The following AP3D1 variants were observed in gnomAD, a reference collection of about 807,000 sequenced individuals.
AP3D1 encodes AP-3 complex subunit delta-1.
AP3D1 carries 51 observed loss-of-function variants against 147.6 expected under a neutral mutation model. The observed-to-expected ratio is 0.35, with a 90% CI of 0.28 to 0.44. The LOEUF (loss-of-function observed/expected upper bound fraction) is 0.44, where lower values mean the gene tolerates loss of function less well. Among genes scored for constraint, AP3D1 ranks in the 20% least tolerant of loss-of-function variants. AP3D1 has a pLI of 1.00. For synonymous variants in AP3D1, 760 were observed against 663.0 expected (o/e 1.15, Z -2.25); for missense variants, 1,421 against 1,624.2 (o/e 0.87, Z 2.15).
At chr19:2,153,858 C>G (rs931601754), upstream of AP3D1, among the ~76,000 whole-genome samples, 1 of 151,968 alleles carries the variant, frequency 6.6e-6, no homozygotes. Flanking sequence ...TCCCCTCGCC[C>G]GAGATAGAGT....
At chr19:2,121,946 C>T (rs757680493) in intron 11 of AP3D1, 67 bp from the exon 12 acceptor site, 93 of 1,506,854 alleles carry the variant, frequency 6.2e-5, no homozygotes, top group Middle Eastern at 1.8e-4. Flanking sequence ...GCAGGGCCCA[C>T]GGCTCTCCGG....
intron 1 of AP3D1, among the ~76,000 whole-genome samples, chr19:2,142,588 C>G (rs540331698): frequency 7.2e-5 from 11 of 152,324 alleles, no homozygotes; most frequent in African/African-American, 1.4e-4. Flanking sequence ...CAAAGACCAA[C>G]GAGCTGAGCC....
At chr19:2,127,301 C>A (rs1447097628) in intron 8 of AP3D1, 100 bp from the exon 9 acceptor site, 3 of 1,315,800 alleles carry the variant, frequency 2.3e-6, no homozygotes, top group Admixed American at 1.8e-5. Context: ...CTCCGCCCCA[C>A]GGCTCAGGGA....
intron 28 of AP3D1, 58 bp downstream of exon 28, chr19:2,110,078 C>T: frequency 6.3e-7 from 1 of 1,593,430 alleles, no homozygotes; most frequent in Non-Finnish European, 8.6e-7. Context: ...TGCGATGGGG[C>T]AGGAGGAGCC....
rs557085154 is a variant in AP3D1, at chr19:2,116,505, G to A, written c.2001+100C>T. 21 of 1,426,516 alleles carry A rather than the reference G, an allele frequency of 1.5e-5. 1 individual carries two copies. In the South Asian group the frequency reaches 2.8e-4, roughly 19 times the overall value. The allele number at this position is 1,426,516 out of a possible 1,614,324, so 88.4% of individuals were successfully genotyped here. ...GGGACGCCCATGCCTCCACTGCCAG[G>A]GTCAGGGCCAGGACCCACAGAGGCC... On this transcript the variant is annotated intron_variant, in intron 17 of 31. Coordinates refer to ENST00000643116, the MANE Select transcript of AP3D1 (RefSeq NM_001261826.3).
At chr19:2,117,799 C>T (rs569472111) in intron 15 of AP3D1, among the ~76,000 whole-genome samples, 3 of 152,362 alleles carry the variant, frequency 2.0e-5, no homozygotes, top group African/African-American at 7.2e-5. Flanking sequence ...GAGCCCGGGG[C>T]CACGCCCCAT....
chr19:2,108,820 C>A, intron 30 of AP3D1, 54 bp from the exon 31 acceptor site: 1 of 1,533,770 alleles, frequency 6.5e-7, no homozygotes, highest in Non-Finnish European at 8.8e-7. Flanking sequence ...GCTGCAGCCC[C>A]ACCCCCAGAG....
intron 29 of AP3D1, 40 bp downstream of exon 29, chr19:2,109,833 A>G (rs2018216686): frequency 6.3e-7 from 1 of 1,585,016 alleles, no homozygotes. Flanking sequence ...GGGGAGGCGG[A>G]GGGGGTTCGG....
chr19:2,108,329 G>A (rs113435217), intron 31 of AP3D1, among the ~76,000 whole-genome samples: 1 of 152,238 alleles, frequency 6.6e-6, no homozygotes, highest in East Asian at 1.9e-4. Flanking sequence ...GGAGCGGAGG[G>A]AGCGAGGAGT....
intron 27 of AP3D1, 137 bp downstream of exon 27, chr19:2,110,570 A>G (rs2145014618): frequency 1.1e-6 from 1 of 939,162 alleles, no homozygotes; most frequent in Non-Finnish European, 1.6e-6. Flanking sequence ...CCCGACACTC[A>G]GGAGGTACTG....
intron 21 of AP3D1, among the ~76,000 whole-genome samples, chr19:2,114,526 A>G (rs1305507949): frequency 6.6e-6 from 1 of 152,060 alleles, no homozygotes. Context: ...AGACCTCCCG[A>G]GCACCCCAGG....
chr19:2,149,027 A>C (rs1181635945), intron 1 of AP3D1, among the ~76,000 whole-genome samples: 1 of 152,122 alleles, frequency 6.6e-6, no homozygotes, highest in African/African-American at 2.4e-5. Context: ...CTGTCATTGA[A>C]CAGTCATTTG....
At chr19:2,136,005 C>G (rs1466206357) in intron 4 of AP3D1, among the ~76,000 whole-genome samples, 1 of 151,646 alleles carries the variant, frequency 6.6e-6, no homozygotes, top group Non-Finnish European at 1.5e-5. Context: ...CAGGCCCCTC[C>G]CGCTACACGG....
At chr19:2,148,379 A>G (rs770685082) in intron 1 of AP3D1, among the ~76,000 whole-genome samples, 1 of 152,244 alleles carries the variant, frequency 6.6e-6, no homozygotes, top group Non-Finnish European at 1.5e-5. Context: ...ATACGTTTAC[A>G]CGTACACACA....
chr19:2,156,161 C>T (rs1245299289), upstream of AP3D1, among the ~76,000 whole-genome samples: 2 of 152,162 alleles, frequency 1.3e-5, no homozygotes, highest in African/African-American at 4.8e-5. Flanking sequence ...GGGTGACCAG[C>T]AGAGAGCAGT....
chr19:2,109,001 G>A, intron 30 of AP3D1, 85 bp downstream of exon 30: 3 of 1,571,572 alleles, frequency 1.9e-6, no homozygotes, highest in South Asian at 1.2e-5. Flanking sequence ...GGGTGGGAGG[G>A]CCACAGGCCC....
Position 2,129,319 on chromosome 19 carries a change from A to C in AP3D1, c.731T>G (p.Leu244Arg), listed in dbSNP as rs1450492828. The C allele has an allele frequency of 6.2e-7, 1 of 1,613,924 alleles. No individual in the cohort carries two copies. Among genetic ancestry groups the C allele is most frequent in the South Asian group, 1.1e-5 (1 of 91,074 alleles). ...NNWVLIKIIKLFGALTPLEPR... is the reference protein window; with the variant it reads ...NNWVLIKIIKRFGALTPLEPR... The stretch of plus-strand genomic sequence containing the variant: ...GCCACATTCCCGGGCAGTACTTGCC[A>C]GCTTGATGATCTTGATGAGGACCCA... Residue 244 changes from leucine to arginine, a missense_variant and splice_region_variant, in exon 7 of 32, where the codon CTG (leucine) becomes CGG (arginine). Leu to Arg is a moderately radical substitution (Grantham distance 102, BLOSUM62 -2). Coordinates refer to ENST00000643116, the MANE Select transcript of AP3D1 (RefSeq NM_001261826.3).
intron 4 of AP3D1, among the ~76,000 whole-genome samples, chr19:2,133,111 C>A (rs1599479317): frequency 1.3e-5 from 2 of 152,330 alleles, no homozygotes; most frequent in African/African-American, 4.8e-5. Flanking sequence ...TCCCAGCTTG[C>A]AGAGACGGCG....
chr19:2,135,506 A>G (rs1311146047), intron 4 of AP3D1, among the ~76,000 whole-genome samples: 3 of 152,236 alleles, frequency 2.0e-5, no homozygotes, highest in Admixed American at 6.5e-5. Flanking sequence ...ACTGCTCTCC[A>G]GCCTGGGCAA....
Sources: gnomAD v4.1 joint callset for allele counts (sites outside exome capture counted in the v4.1 genomes callset) on GRCh38, gnomAD v4.1.1 for gene constraint, MANE v1.5 for transcripts, NCBI Gene and HGNC (gene_info 2026-07-23, HGNC 2026-07-21) for gene names.